Variants in PIP5K1C observed in about 807,000 individuals in gnomAD.
PIP5K1C encodes phosphatidylinositol 4-phosphate 5-kinase type-1 gamma.
PIP5K1C carries 45 observed loss-of-function variants against 80.1 expected under a neutral mutation model. That is an observed-to-expected ratio of 0.56 (90% CI 0.44 to 0.72). The LOEUF is 0.72. PIP5K1C is among the 30% of genes least tolerant of loss of function. The pLI is 0.00. For synonymous variants in PIP5K1C, 498 were observed against 420.1 expected (o/e 1.19, Z -2.27); for missense variants, 753 against 954.6 (o/e 0.79, Z 2.78).
intron 1 of PIP5K1C, among the ~76,000 whole-genome samples, chr19:3,670,145 G>A (rs1231441495): frequency 6.6e-6 from 1 of 152,066 alleles, no homozygotes; most frequent in South Asian, 2.1e-4. Flanking sequence ...GGCGGCAGGT[G>A]GGGAGGGGGC....
At chr19:3,689,874 C>A (rs1235461462) in intron 1 of PIP5K1C, among the ~76,000 whole-genome samples, 6 of 152,102 alleles carry the variant, frequency 3.9e-5, no homozygotes. Flanking sequence ...AAAGACATGG[C>A]AAAACGTTAG....
chr19:3,642,981 G>A, intron 13 of PIP5K1C, 42 bp from the exon 14 acceptor site: 6 of 1,609,674 alleles, frequency 3.7e-6, no homozygotes, highest in Non-Finnish European at 5.1e-6. Context: ...GAAAGAGAGT[G>A]GCCCGCCTGC....
intron 14 of PIP5K1C, among the ~76,000 whole-genome samples, chr19:3,642,396 C>G (rs1253429388): frequency 6.6e-6 from 1 of 152,238 alleles, no homozygotes; most frequent in African/African-American, 2.4e-5. Flanking sequence ...GGCACGCAGG[C>G]GTGACAGGAA....
intron 8 of PIP5K1C, among the ~76,000 whole-genome samples, chr19:3,650,918 A>G (rs1288558663): frequency 5.3e-5 from 8 of 151,936 alleles, no homozygotes; most frequent in African/African-American, 1.7e-4. Flanking sequence ...CACCACGCCC[A>G]GCTAATATTT....
rs1322874990 is a variant in PIP5K1C at position 3,644,176 on chromosome 19, G to T, written c.1421C>A (p.Ala474Asp). The T allele has an allele frequency of 1.2e-5, 19 of 1,612,348 alleles. No homozygotes were observed. The highest frequency in any genetic ancestry group is 1.6e-5 in the Non-Finnish European group (19 of 1,179,882). ...GCTAGGGATCTGGCTGGCCGAGAAG[G>T]CAGCGGTGGGCCCCAGCGGTTTCAC... is the stretch of plus-strand genomic sequence containing the variant. ...LAVKPLGPTA[A>D]FSASQIPSER... Residue 474 changes from alanine to aspartate, a missense_variant, in exon 12 of 18, where the codon GCC (alanine) becomes GAC (aspartate). Transcript: ENST00000335312.
intron 1 of PIP5K1C, among the ~76,000 whole-genome samples, chr19:3,678,569 GGGAGGGATGGAGGGATAAAGGGAT>G (rs2035482234): frequency 3.1e-5 from 3 of 97,618 alleles, no homozygotes; most frequent in Non-Finnish European, 6.3e-5. Context: ...GAGGGATGGA[GGGAGGGATGGAGGGATAAAGGGAT>G]GGAGGGATGG....
At chr19:3,687,797 C>G (rs896473501) in intron 1 of PIP5K1C, among the ~76,000 whole-genome samples, 2 of 151,394 alleles carry the variant, frequency 1.3e-5, no homozygotes, top group Non-Finnish European at 3.0e-5. Flanking sequence ...GCCGGGTGCT[C>G]CCCGCAGGGC....
intron 1 of PIP5K1C, among the ~76,000 whole-genome samples, chr19:3,686,849 T>C (rs1407058499): frequency 1.3e-5 from 2 of 152,050 alleles, no homozygotes; most frequent in Admixed American, 1.3e-4. Context: ...GACCTTGGAT[T>C]AGGCAACAAT....
Position 3,637,570 on chromosome 19 carries a change from C to T in PIP5K1C, c.1920+1314G>A, listed in dbSNP as rs775187345. 4.1e-5 allele frequency: 53 copies of T among 1,282,672 alleles called. No homozygotes were observed. The highest frequency in any genetic ancestry group is 2.3e-4 in the East Asian group (4 of 17,346). 79.5% of individuals were successfully genotyped at this position (1,282,672 alleles called of 1,614,324 possible). On this transcript the variant is annotated intron_variant, in intron 16 of 17. Transcript: ENST00000335312. The surrounding 1 kb of genome is among the most constrained non-coding windows in gnomAD (Gnocchi z 7.0). ...GGCGCTCAGCGTCACGGCCCGCAGTCGGCGATGGCGGGGAGAGTAAATCCA... is the reference window on the plus strand; with the variant it reads ...GGCGCTCAGCGTCACGGCCCGCAGTTGGCGATGGCGGGGAGAGTAAATCCA...
At position 3,633,462 on chromosome 19, in the gene PIP5K1C, G is replaced by T. The variant is rs1349571250; in HGVS notation, c.1979C>A (p.Pro660Gln). The change falls in exon 17 of 18, where the codon CCG becomes CAG. Residue 660 changes from proline to glutamine, a missense_variant. Physicochemically the swap from Pro to Gln is moderately conservative, Grantham distance 76. Transcript: ENST00000335312. ...TGTGTCGCTCTCGCCGTCGGAGGCC[G>T]GGGGGGCCTGGGCGCTATAGTGGAG... ...SPLHYSAQAP[P>Q]ASDGESDT is the part of the protein sequence containing the mutation. The T allele has an allele frequency of 1.4e-6, 2 of 1,472,100 alleles. No homozygotes were observed. The highest frequency in any genetic ancestry group is 1.8e-6 in the Non-Finnish European group (2 of 1,104,808). 91.2% of individuals were successfully genotyped at this position (1,472,100 alleles called of 1,614,324 possible).
rs2035822464 is a variant in PIP5K1C, at chr19:3,688,063, A to G, written c.94+12234T>C. ...CGACGGGATGGGTCAGGGTGCACAGAGCACACGCCAGCCCCTGGGGGAAGC... is the reference window on the plus strand; with the variant it reads ...CGACGGGATGGGTCAGGGTGCACAGGGCACACGCCAGCCCCTGGGGGAAGC... On this transcript the variant is annotated intron_variant, in intron 1 of 17. Coordinates refer to ENST00000335312, the MANE Select transcript of PIP5K1C (RefSeq NM_012398.3). The surrounding 1 kb of genome is among the most constrained non-coding windows in gnomAD (Gnocchi z 5.3). Among the ~76,000 whole-genome samples the G allele has an allele frequency of 6.6e-6, 1 of 152,048 alleles. No homozygotes were observed. Among genetic ancestry groups the G allele is most frequent in the Non-Finnish European group, 1.5e-5 (1 of 67,988 alleles).
At chr19:3,697,428 G>A (rs1255340705) in intron 1 of PIP5K1C, among the ~76,000 whole-genome samples, 1 of 151,276 alleles carries the variant, frequency 6.6e-6, no homozygotes. Flanking sequence ...AGACGGAGGA[G>A]GACCGAGCTG....
intron 1 of PIP5K1C, among the ~76,000 whole-genome samples, chr19:3,679,068 G>A (rs1467355227): frequency 6.6e-6 from 1 of 151,950 alleles, no homozygotes; most frequent in Non-Finnish European, 1.5e-5. Flanking sequence ...GTAAGTCGTG[G>A]GTCTACTGCC....
intron 1 of PIP5K1C, among the ~76,000 whole-genome samples, chr19:3,694,438 CGCCACCCCA>C (rs1330113651): frequency 3.3e-5 from 5 of 152,096 alleles, no homozygotes; most frequent in African/African-American, 9.7e-5. Flanking sequence ...CCTCAGTCCT[CGCCACCCCA>C]GCCACCAGCT....
Position 3,671,274 on chromosome 19 carries a change from G to A in PIP5K1C, c.95-3921C>T, listed in dbSNP as rs1053275358. 5.9e-5 allele frequency among the ~76,000 whole-genome samples: 9 copies of A among 152,332 alleles called. No homozygotes were observed. The South Asian group carries it at 1.4e-3, about 25-fold the overall frequency. On this transcript the variant is annotated intron_variant, in intron 1 of 17. Transcript: ENST00000335312. ...GGCCCCGATGCTGAGAGGTCACAGCGCTTGGGTCCACCCCTGCCCGGACTC... is the reference window on the plus strand; with the variant it reads ...GGCCCCGATGCTGAGAGGTCACAGCACTTGGGTCCACCCCTGCCCGGACTC...
intron 6 of PIP5K1C, among the ~76,000 whole-genome samples, chr19:3,654,712 G>T (rs899746308): frequency 1.6e-4 from 25 of 152,056 alleles, no homozygotes; most frequent in African/African-American, 5.1e-4. Flanking sequence ...TGCTTGGGAG[G>T]CTGAGGCAGG....
chr19:3,699,000 C>T (rs988796994), intron 1 of PIP5K1C, among the ~76,000 whole-genome samples: 4 of 148,218 alleles, frequency 2.7e-5, no homozygotes, highest in African/African-American at 9.9e-5. Flanking sequence ...GAGCTGGCAA[C>T]TTTATCTGTC....
At chr19:3,671,087 C>T (rs759357442) in intron 1 of PIP5K1C, among the ~76,000 whole-genome samples, 2 of 152,150 alleles carry the variant, frequency 1.3e-5, no homozygotes, top group African/African-American at 4.8e-5. Flanking sequence ...AGGAAGCCAG[C>T]GGTGGGCCGG....
At chr19:3,672,015 G>A (rs982495209) in intron 1 of PIP5K1C, among the ~76,000 whole-genome samples, 3 of 152,194 alleles carry the variant, frequency 2.0e-5, no homozygotes, top group Non-Finnish European at 1.5e-5. Context: ...GGCCCGAGGC[G>A]GGGGCTCTGC....
Sources: allele counts gnomAD v4.1 joint callset (sites outside exome capture counted in the v4.1 genomes callset), GRCh38; gene constraint gnomAD v4.1.1; non-coding constraint Gnocchi (gnomAD v3.1); transcripts MANE v1.5; gene names NCBI Gene and HGNC (gene_info 2026-07-23, HGNC 2026-07-21).